FAM135A: variants seen among roughly 807,000 people sequenced by gnomAD.
FAM135A encodes protein FAM135A.
In FAM135A, 79 loss-of-function variants were observed where a neutral mutation model predicts 146.8. That is an observed-to-expected ratio of 0.54 (90% CI 0.45 to 0.65). FAM135A has a LOEUF of 0.65. FAM135A is among the 30% of genes least tolerant of loss of function. The pLI, the probability that FAM135A is intolerant of heterozygous loss-of-function variation, is 0.00. For missense variants in FAM135A, 1,623 were observed against 1,758.2 expected (o/e 0.92, Z 1.38); for synonymous variants, 562 against 603.6 (o/e 0.93, Z 1.01).
At chr6:70,427,167 A>T (rs1403223356) in intron 3 of FAM135A, among the ~76,000 whole-genome samples, 1 of 152,170 alleles carries the variant, frequency 6.6e-6, no homozygotes, top group Non-Finnish European at 1.5e-5. Flanking sequence ...TAAATAGTGA[A>T]AAAATGGAAA....
chr6:70,528,465 T>C lies in FAM135A; in HGVS notation c.3775+13T>C. 2 of 1,572,624 alleles carry C rather than the reference T, an allele frequency of 1.3e-6. No homozygotes were observed. Among genetic ancestry groups the C allele is most frequent in the African/African-American group, 1.4e-5 (1 of 73,762 alleles). On this transcript the variant is annotated intron_variant, in intron 16 of 21. Coordinates refer to ENST00000418814, the MANE Select transcript of FAM135A (RefSeq NM_001162529.3). ...CACGGTTTAGATGGTATGTGACATCTATGGATGTAACCCAGAGCAACTCAA... is the reference window on the plus strand; with the variant it reads ...CACGGTTTAGATGGTATGTGACATCCATGGATGTAACCCAGAGCAACTCAA...
intron 7 of FAM135A, 145 bp from the exon 8 acceptor site, chr6:70,477,014 G>A (rs1782738705): frequency 5.2e-6 from 4 of 771,072 alleles, no homozygotes; most frequent in East Asian, 5.6e-5. Flanking sequence ...TGCTTCTAAT[G>A]CAACTTTGAT....
Position 70,450,716 on chromosome 6 carries a change from G to GTTTTTTTTTTTTTTTTTTTTTTTTT in FAM135A, c.78-1758_78-1734dup, listed in dbSNP as rs546674936. ...CTCAGGGAGTGTGACCCTTTTAGTT[G>GTTTTTTTTTTTTTTTTTTTTTTTTT]TTTTTTTTTTTTTTTTTTTTTTTTT... On this transcript the variant is annotated intron_variant, in intron 4 of 21. Transcript: ENST00000418814. Among the ~76,000 whole-genome samples, 9 of 28,322 alleles carry GTTTTTTTTTTTTTTTTTTTTTTTTT rather than the reference G, an allele frequency of 3.2e-4. 4 individuals carry two copies. Among genetic ancestry groups the GTTTTTTTTTTTTTTTTTTTTTTTTT allele is most frequent in the Non-Finnish European group, 6.9e-4 (9 of 13,090 alleles). The allele number at this position is 28,322 out of a possible 152,430, so 18.6% of individuals were successfully genotyped here.
chr6:70,502,036 A>G (rs1456209009), intron 11 of FAM135A, among the ~76,000 whole-genome samples: 1 of 152,224 alleles, frequency 6.6e-6, no homozygotes, highest in East Asian at 1.9e-4. Context: ...ATTAGCATTT[A>G]AAATGTGTTC....
In FAM135A at chr6:70,525,563, A is replaced by G; in HGVS notation, c.2479A>G (p.Thr827Ala). The change falls in exon 15 of 22, where the codon ACA (threonine) becomes GCA (alanine). Residue 827 changes from threonine (T) to alanine (A), a missense_variant. Around this residue, in one of 7 missense-constraint regions of FAM135A, gnomAD observed 1,061 missense variants for 1,113.8 expected, o/e 0.95. Transcript: ENST00000418814. Reference protein sequence around the residue: ...FSLGNHCTESTSAISEIQSSL... With the variant: ...FSLGNHCTESASAISEIQSSL... The stretch of plus-strand genomic sequence containing the variant: ...ATTAGGAAATCATTGTACTGAGAGT[A>G]CAAGTGCTATAAGTGAAATACAGTC... The G allele has an allele frequency of 6.2e-7, 1 of 1,613,588 alleles. No individual in the cohort carries two copies. The highest frequency in any genetic ancestry group is 8.5e-7 in the Non-Finnish European group (1 of 1,179,654).
At chr6:70,519,909 G>GAT (rs10638419) in intron 12 of FAM135A, among the ~76,000 whole-genome samples, 1 of 151,566 alleles carries the variant, frequency 6.6e-6, no homozygotes, top group African/African-American at 2.4e-5. Flanking sequence ...GGTATGATAT[G>GAT]ATATATATGA....
At chr6:70,538,691 T>C (rs1276474812) in intron 20 of FAM135A, among the ~76,000 whole-genome samples, 1 of 151,748 alleles carries the variant, frequency 6.6e-6, no homozygotes, top group East Asian at 1.9e-4. Flanking sequence ...TGTTAGTCTA[T>C]GTTTTTAGAC....
intron 20 of FAM135A, among the ~76,000 whole-genome samples, chr6:70,547,768 T>G (rs138169260): frequency 8.5e-5 from 13 of 152,230 alleles, no homozygotes; most frequent in African/African-American, 3.1e-4. Flanking sequence ...TGTTCATATA[T>G]CAATCATGTT....
intron 5 of FAM135A, among the ~76,000 whole-genome samples, chr6:70,472,105 C>G (rs1355335991): frequency 6.6e-6 from 1 of 152,132 alleles, no homozygotes; most frequent in Non-Finnish European, 1.5e-5. Flanking sequence ...CAAAGAGTGT[C>G]TCAAAGCATC....
intron 4 of FAM135A, among the ~76,000 whole-genome samples, chr6:70,450,218 T>G (rs962305715): frequency 1.3e-5 from 2 of 152,198 alleles, no homozygotes; most frequent in Non-Finnish European, 2.9e-5. Context: ...ATCTGTGGGT[T>G]GTTTCTTCAC....
intron 2 of FAM135A, among the ~76,000 whole-genome samples, chr6:70,416,936 G>A (rs1036969664): frequency 2.0e-5 from 3 of 152,174 alleles, no homozygotes; most frequent in Admixed American, 1.3e-4. Flanking sequence ...TATTTTTAAA[G>A]ATTGGCAGTT....
intron 16 of FAM135A, among the ~76,000 whole-genome samples, chr6:70,530,337 T>C (rs1795562864): frequency 6.6e-6 from 1 of 152,180 alleles, no homozygotes; most frequent in Admixed American, 6.5e-5. Context: ...ATTAAGCATA[T>C]ATATTTCGAG....
intron 11 of FAM135A, among the ~76,000 whole-genome samples, chr6:70,495,168 C>G (rs1786936954): frequency 6.6e-6 from 1 of 152,208 alleles, no homozygotes; most frequent in Non-Finnish European, 1.5e-5. Flanking sequence ...TATGTCTTGA[C>G]TGTTAGCTTC....
intron 10 of FAM135A, among the ~76,000 whole-genome samples, chr6:70,482,540 C>A (rs942823812): frequency 1.3e-5 from 2 of 151,992 alleles, no homozygotes; most frequent in African/African-American, 4.8e-5. Context: ...GTACTTAGGG[C>A]ATTTTTGTTT....
At chr6:70,424,074 T>A (rs562834204) in intron 2 of FAM135A, among the ~76,000 whole-genome samples, 12 of 152,368 alleles carry the variant, frequency 7.9e-5, no homozygotes, top group Non-Finnish European at 1.5e-4. Context: ...TGGATTAATA[T>A]CCTTAGTTCT....
At chr6:70,457,976 A>G (rs1291924380) in intron 5 of FAM135A, among the ~76,000 whole-genome samples, 1 of 152,116 alleles carries the variant, frequency 6.6e-6, no homozygotes, top group East Asian at 1.9e-4. Flanking sequence ...AAATGTAGTG[A>G]TCTGATAGTT....
In FAM135A at chr6:70,524,866, A is replaced by G. The variant is rs781023071; in HGVS notation, c.1782A>G (p.Gln594=). 1.6e-5 allele frequency: 26 copies of G among 1,608,684 alleles called. No homozygotes were observed. The highest frequency in any genetic ancestry group is 2.0e-5 in the Non-Finnish European group (24 of 1,177,260). Residue 594 remains glutamine (Q), a synonymous_variant, in exon 15 of 22, where the codon CAA becomes CAG. Transcript: ENST00000418814. ...AGTCTCCAGATATTGAAAATGTTCA[A>G]CCAGACCAGTTTGATCCTTTGAACT... ...EQKSPDIENV[Q]PDQFDPLNSG... is the part of the protein sequence containing the mutation.
intron 4 of FAM135A, among the ~76,000 whole-genome samples, chr6:70,431,107 T>A (rs1470911959): frequency 6.6e-6 from 1 of 152,192 alleles, no homozygotes; most frequent in African/African-American, 2.4e-5. Context: ...TAACTGTTAG[T>A]TTGGCCCCAG....
chr6:70,442,239 GT>G (rs1264461872), intron 4 of FAM135A, among the ~76,000 whole-genome samples: 104 of 125,958 alleles, frequency 8.3e-4, no homozygotes, highest in Middle Eastern at 4.5e-3. Context: ...TTCTTCATGG[GT>G]TTTTTTTTTT....
Sources: gnomAD v4.1 joint callset for allele counts (sites outside exome capture counted in the v4.1 genomes callset) on GRCh38, gnomAD v4.1.1 for gene constraint, gnomAD v4.1.1 regional missense constraint, MANE v1.5 for transcripts, NCBI Gene and HGNC (gene_info 2026-07-23, HGNC 2026-07-21) for gene names.